Variants in ROR1 observed in about 807,000 individuals in gnomAD.
ROR1 encodes the protein ROR family WNT receptor 1, also known as inactive tyrosine-protein kinase transmembrane receptor ROR1.
ROR1 carries 19 observed loss-of-function variants against 78.8 expected under a neutral mutation model. That is an observed-to-expected ratio of 0.24 (90% CI 0.17 to 0.35). ROR1 has a LOEUF of 0.35. ROR1 is among the 10% of genes least tolerant of loss of function. The probability of loss-of-function intolerance (pLI) is 1.00; values close to 1 mark genes in which losing one functional copy is unlikely to be tolerated. For missense variants in ROR1, 917 were observed against 1,177.8 expected (o/e 0.78, Z 3.24); for synonymous variants, 386 against 433.6 (o/e 0.89, Z 1.36).
rs553291487 is a variant in ROR1, at chr1:64,070,491, T to A, written c.482+19775T>A. Among the ~76,000 whole-genome samples the A allele has an allele frequency of 1.1e-3, 163 of 152,198 alleles. 2 individuals are homozygous for A. The highest frequency in any genetic ancestry group is 3.4e-4 in the Non-Finnish European group (23 of 68,008). On this transcript the variant is annotated intron_variant, in intron 4 of 8. Transcript: ENST00000371079. Reference sequence around the variant, plus strand: ...CCACCACACCCAGTTAAAATTTTTTTTTATTTTTTATAGAGATGGGATCCC... The same window carrying A: ...CCACCACACCCAGTTAAAATTTTTTATTATTTTTTATAGAGATGGGATCCC...
chr1:63,789,674 CTTTTTTT>C (rs902307163), intron 1 of ROR1, among the ~76,000 whole-genome samples: 2 of 102,586 alleles, frequency 1.9e-5, no homozygotes, highest in Non-Finnish European at 4.0e-5. Flanking sequence ...CCTTCCTCTC[CTTTTTTT>C]TTTTTTTTTT....
chr1:64,157,624 A>G (rs1649811131), intron 7 of ROR1, among the ~76,000 whole-genome samples: 2 of 152,162 alleles, frequency 1.3e-5, no homozygotes, highest in African/African-American at 2.4e-5. Flanking sequence ...AAAACTACAT[A>G]TGGTTTATTC....
intron 1 of ROR1, among the ~76,000 whole-genome samples, chr1:63,972,654 C>T (rs932376418): frequency 6.6e-6 from 1 of 152,124 alleles, no homozygotes; most frequent in Non-Finnish European, 1.5e-5. Flanking sequence ...AAGCTCAAAT[C>T]CCAACCAGGG....
At chr1:64,046,370 AC>A (rs2100587507) in intron 2 of ROR1, among the ~76,000 whole-genome samples, 1 of 152,312 alleles carries the variant, frequency 6.6e-6, no homozygotes, top group South Asian at 2.1e-4. Flanking sequence ...AAAAGTTAAA[AC>A]CAAATTCCCT....
At chr1:64,060,370 T>C (rs996664533) in intron 4 of ROR1, among the ~76,000 whole-genome samples, 2 of 152,232 alleles carry the variant, frequency 1.3e-5, no homozygotes, top group African/African-American at 4.8e-5. Context: ...TATTTCCAGC[T>C]GTGAACCCCA....
intron 1 of ROR1, among the ~76,000 whole-genome samples, chr1:63,787,019 T>G (rs1380265763): frequency 6.6e-6 from 1 of 152,198 alleles, no homozygotes; most frequent in Non-Finnish European, 1.5e-5. Context: ...ATGGGAATAA[T>G]GAATTGATCC....
intron 4 of ROR1, among the ~76,000 whole-genome samples, chr1:64,109,900 G>A (rs1569779971): frequency 6.6e-6 from 1 of 152,028 alleles, no homozygotes; most frequent in Admixed American, 6.6e-5. Flanking sequence ...GGCTTCTGAT[G>A]TCCGAATGTC....
intron 1 of ROR1, among the ~76,000 whole-genome samples, chr1:63,991,648 G>T (rs866822765): frequency 6.6e-6 from 1 of 152,146 alleles, no homozygotes; most frequent in African/African-American, 2.4e-5. Flanking sequence ...GCTATGTTTG[G>T]TTTATCTGTG....
At chr1:63,978,065 C>A (rs759828778) in intron 1 of ROR1, among the ~76,000 whole-genome samples, 3 of 152,110 alleles carry the variant, frequency 2.0e-5, no homozygotes, top group Admixed American at 6.5e-5. Context: ...ACTACTGAGG[C>A]CTTGGAGGTT....
At chr1:64,059,708 TAA>T (rs75359961) in intron 4 of ROR1, among the ~76,000 whole-genome samples, 15 of 130,810 alleles carry the variant, frequency 1.1e-4, no homozygotes, top group South Asian at 2.6e-4. Flanking sequence ...GACTCCATCT[TAA>T]AAAAAAAAAA....
intron 2 of ROR1, among the ~76,000 whole-genome samples, chr1:64,012,524 T>G (rs888982784): frequency 2.6e-5 from 4 of 152,164 alleles, no homozygotes; most frequent in African/African-American, 9.7e-5. Context: ...CTCAACATCC[T>G]CATGCATGAA....
At chr1:63,823,094 T>C (rs904147471) in intron 1 of ROR1, among the ~76,000 whole-genome samples, 1 of 152,210 alleles carries the variant, frequency 6.6e-6, no homozygotes, top group African/African-American at 2.4e-5. Context: ...ATACTTTTGA[T>C]TACTGGTGAT....
chr1:64,029,671 C>CT lies in ROR1; in HGVS notation c.164-20020_164-20019insT, dbSNP rs754910635. 1.6e-4 allele frequency among the ~76,000 whole-genome samples: 24 copies of CT among 152,144 alleles called. 1 individual carries two copies. The highest frequency in any genetic ancestry group is 4.6e-4 in the African/African-American group (19 of 41,498). On this transcript the variant is annotated intron_variant, in intron 2 of 8. Coordinates refer to ENST00000371079, the MANE Select transcript of ROR1 (RefSeq NM_005012.4). ...GAGACAGACTGACAGAGAGAGAGGT[C>CT]CTTATATTTTTATGAGGCCACCAAT...
intron 1 of ROR1, among the ~76,000 whole-genome samples, chr1:63,871,931 G>A (rs1434910839): frequency 6.6e-6 from 1 of 152,138 alleles, no homozygotes; most frequent in Non-Finnish European, 1.5e-5. Flanking sequence ...TTAACCACTT[G>A]TTTTCTAGTT....
chr1:64,145,609 T>A (rs2100716571), intron 7 of ROR1, among the ~76,000 whole-genome samples: 1 of 152,328 alleles, frequency 6.6e-6, no homozygotes, highest in South Asian at 2.1e-4. Flanking sequence ...GGAAAATTAT[T>A]CTGTATTTTG....
chr1:63,790,690 G>A (rs915089509), intron 1 of ROR1, among the ~76,000 whole-genome samples: 1 of 152,138 alleles, frequency 6.6e-6, no homozygotes, highest in African/African-American at 2.4e-5. Flanking sequence ...TGGGAATAGA[G>A]GTGGTGAATG....
chr1:64,118,632 C>CAAAAAA (rs3084938), intron 4 of ROR1, among the ~76,000 whole-genome samples: 25 of 65,826 alleles, frequency 3.8e-4, no homozygotes, highest in Non-Finnish European at 4.5e-4. Context: ...GACTCCATCT[C>CAAAAAA]AAAAAAAAAA....
At chr1:64,108,582 G>A (rs79103909) in intron 4 of ROR1, among the ~76,000 whole-genome samples, 20,946 of 151,904 alleles carry the variant, frequency 0.14, 1,634 homozygotes, top group African/African-American at 0.19. Context: ...AGAGCTGGCC[G>A]TGGGAATCAC....
intron 1 of ROR1, among the ~76,000 whole-genome samples, chr1:63,792,261 C>A (rs1644731656): frequency 6.6e-6 from 1 of 152,158 alleles, no homozygotes; most frequent in Admixed American, 6.5e-5. Context: ...TACAGTACAA[C>A]CAGCAATTGC....
Sources: allele counts gnomAD v4.1 joint callset (sites outside exome capture counted in the v4.1 genomes callset), GRCh38; gene constraint gnomAD v4.1.1; transcripts MANE v1.5; gene names NCBI Gene and HGNC (gene_info 2026-07-23, HGNC 2026-07-21).